RCBTB1: variants seen among roughly 807,000 people sequenced by gnomAD.
RCBTB1 encodes the protein RCC1 and BTB domain containing protein 1.
In RCBTB1, 46 loss-of-function variants were observed where a neutral mutation model predicts 62.4. The observed-to-expected ratio is 0.74, with a 90% CI of 0.58 to 0.94. The LOEUF is 0.94. RCBTB1 is among the 40% of genes least tolerant of loss of function. The probability of loss-of-function intolerance (pLI) is 0.00; values close to 1 mark genes in which losing one functional copy is unlikely to be tolerated. For synonymous variants in RCBTB1, 222 were observed against 245.8 expected (o/e 0.90, Z 0.91); for missense variants, 565 against 654.9 (o/e 0.86, Z 1.50).
At chr13:49,576,645 G>A (rs1963805153) in intron 2 of RCBTB1, among the ~76,000 whole-genome samples, 1 of 152,026 alleles carries the variant, frequency 6.6e-6, no homozygotes, top group Non-Finnish European at 1.5e-5. Flanking sequence ...TTGTCATCTT[G>A]ATAATTATAA....
chr13:49,577,348 C>A (rs1405635994), intron 2 of RCBTB1, among the ~76,000 whole-genome samples: 1 of 152,150 alleles, frequency 6.6e-6, no homozygotes, highest in Non-Finnish European at 1.5e-5. Flanking sequence ...TATATTTCAA[C>A]ATGCTTATGG....
At chr13:49,543,023 G>A (rs867453981) in intron 10 of RCBTB1, among the ~76,000 whole-genome samples, 3 of 152,184 alleles carry the variant, frequency 2.0e-5, no homozygotes, top group Non-Finnish European at 4.4e-5. Context: ...TTGGGAGGCC[G>A]AGGCAGGTCA....
At chr13:49,577,139 C>T (rs549076270) in intron 2 of RCBTB1, among the ~76,000 whole-genome samples, 8 of 152,218 alleles carry the variant, frequency 5.3e-5, no homozygotes, top group Non-Finnish European at 1.2e-4. Flanking sequence ...TTACTTTATA[C>T]TCTGAAAGCA....
intron 2 of RCBTB1, among the ~76,000 whole-genome samples, chr13:49,574,267 C>A (rs1261209964): frequency 6.6e-6 from 1 of 151,286 alleles, no homozygotes. Flanking sequence ...TACAGGTGTG[C>A]ACCACCACGC....
At chr13:49,566,542 G>A in intron 4 of RCBTB1, 76 bp downstream of exon 4, 6 of 1,373,434 alleles carry the variant, frequency 4.4e-6, no homozygotes, top group Non-Finnish European at 6.0e-6. Flanking sequence ...ATCTGGTATA[G>A]CCCTATCTCC....
intron 4 of RCBTB1, among the ~76,000 whole-genome samples, chr13:49,563,727 T>C (rs1184163160): frequency 6.6e-6 from 1 of 152,172 alleles, no homozygotes; most frequent in African/African-American, 2.4e-5. Context: ...AAAAGTGAGA[T>C]AATCACCTCA....
At position 49,560,202 on chromosome 13, in the gene RCBTB1, TC is replaced by T. The variant is rs1308188398; in HGVS notation, c.278-119del. 8 of 1,079,990 alleles carry T rather than the reference TC, an allele frequency of 7.4e-6. No individual in the cohort carries two copies. In the African/African-American group the frequency reaches 1.3e-4, roughly 17 times the overall value. 66.9% of individuals were successfully genotyped at this position (1,079,990 alleles called of 1,614,324 possible). A position where few individuals can be genotyped will look rare whatever the true frequency, so the allele number is the denominator to read the frequency against. On this transcript the variant is annotated intron_variant, in intron 4 of 12. Coordinates refer to ENST00000378302, the MANE Select transcript of RCBTB1 (RefSeq NM_018191.4). ...CCTTCATTTCTCTCCCATTGCCCCC[TC>T]CTCTCTATTAAGTAACCATGGACAG...
At chr13:49,572,144 TGGTGA>T (rs1177583849) in intron 2 of RCBTB1, among the ~76,000 whole-genome samples, 4 of 151,948 alleles carry the variant, frequency 2.6e-5, no homozygotes, top group Non-Finnish European at 5.9e-5. Flanking sequence ...CTAGATGACA[TGGTGA>T]AACCCTGCCT....
At position 49,555,800 on chromosome 13, in the gene RCBTB1, A is replaced by G. The variant is rs1961811947; in HGVS notation, c.445-127T>C. On this transcript the variant is annotated intron_variant, in intron 5 of 12. Coordinates refer to ENST00000378302, the MANE Select transcript of RCBTB1 (RefSeq NM_018191.4). ...CTTAAGATGTGCTAAACGGTTCTATATGCTTTACACACATTAACCTATTTA... is the reference window on the plus strand; with the variant it reads ...CTTAAGATGTGCTAAACGGTTCTATGTGCTTTACACACATTAACCTATTTA... 8.4e-6 allele frequency: 6 copies of G among 715,088 alleles called. No homozygotes were observed. The South Asian group carries it at 9.9e-5, about 12-fold the overall frequency. The allele number at this position is 715,088 out of a possible 1,614,324, so 44.3% of individuals were successfully genotyped here.
Position 49,555,559 on chromosome 13 carries a change from C to T in RCBTB1, c.559G>A (p.Ala187Thr). The change falls in exon 6 of 13, where the codon GCC becomes ACC. Residue 187 changes from alanine to threonine, a missense_variant. Transcript: ENST00000378302. ...CLHIKRVVGI[A>T]CGQTSSMAVL... ...GCCATGGATGAAGTCTGACCACAGG[C>T]AATGCCAACTACCCTCTTAATATGT... is the stretch of plus-strand genomic sequence containing the variant. 1 of 1,614,018 alleles carries T rather than the reference C, an allele frequency of 6.2e-7. No individual in the cohort carries two copies. Among genetic ancestry groups the T allele is most frequent in the Non-Finnish European group, 8.5e-7 (1 of 1,179,890 alleles).
At chr13:49,544,195 C>T (rs1180729419) in intron 10 of RCBTB1, among the ~76,000 whole-genome samples, 1 of 152,148 alleles carries the variant, frequency 6.6e-6, no homozygotes, top group Non-Finnish European at 1.5e-5. Flanking sequence ...ATAAGCTGGG[C>T]GTGGTAGCTC....
chr13:49,550,494 A>G, intron 8 of RCBTB1: 3 of 810,330 alleles, frequency 3.7e-6, no homozygotes, highest in Non-Finnish European at 4.5e-6. Flanking sequence ...AGACCTTACA[A>G]TTAGGCTGAA....
At chr13:49,559,512 C>T (rs565838978) in intron 5 of RCBTB1, among the ~76,000 whole-genome samples, 13 of 151,870 alleles carry the variant, frequency 8.6e-5, no homozygotes, top group Non-Finnish European at 1.2e-4. Context: ...AAAAATTAGG[C>T]GGGTGTGGTG....
rs746108134 is a variant in RCBTB1 at position 49,534,117 on chromosome 13, GC to G, written c.*4del. ...CACTCACACAGAACCCAGCAGCCTT[GC>G]GCTTCAGTTCTTAAAGGCTCCACAT... On this transcript the variant is annotated 3_prime_UTR_variant, in exon 13 of 13. Transcript: ENST00000378302. 4 of 1,613,122 alleles carry G rather than the reference GC, an allele frequency of 2.5e-6. No individual in the cohort carries two copies. Among genetic ancestry groups the G allele is most frequent in the Admixed American group, 1.7e-5 (1 of 59,800 alleles).
At chr13:49,547,122 G>A (rs2139157827) in intron 9 of RCBTB1, 1 of 1,282,838 alleles carries the variant, frequency 7.8e-7, no homozygotes, top group Non-Finnish European at 1.0e-6. Context: ...TGCAATTCTG[G>A]CCAAATAGTC....
intron 7 of RCBTB1, 21 bp from the exon 8 acceptor site, chr13:49,551,489 T>A: frequency 1.2e-6 from 2 of 1,613,246 alleles, no homozygotes; most frequent in Non-Finnish European, 1.7e-6. Context: ...ATTGAAACGG[T>A]TACCATTAGC....
intron 9 of RCBTB1, among the ~76,000 whole-genome samples, chr13:49,546,577 T>G (rs1960802259): frequency 6.6e-6 from 1 of 152,204 alleles, no homozygotes; most frequent in Admixed American, 6.5e-5. Flanking sequence ...GTAGAATCAG[T>G]GGGAGTCCTG....
At chr13:49,574,025 C>T (rs1030361441) in intron 2 of RCBTB1, among the ~76,000 whole-genome samples, 3 of 149,234 alleles carry the variant, frequency 2.0e-5, no homozygotes, top group Non-Finnish European at 4.4e-5. Context: ...CTCAAGTGAT[C>T]CACCCACCTG....
At chr13:49,543,066 C>A (rs1007062451) in intron 10 of RCBTB1, among the ~76,000 whole-genome samples, 3 of 152,104 alleles carry the variant, frequency 2.0e-5, no homozygotes, top group Non-Finnish European at 4.4e-5. Context: ...AGTTTGAGAC[C>A]GGCCTGGCCA....
Sources: gnomAD v4.1 joint callset for allele counts (sites outside exome capture counted in the v4.1 genomes callset) on GRCh38, gnomAD v4.1.1 for gene constraint, MANE v1.5 for transcripts, NCBI Gene and HGNC (gene_info 2026-07-23, HGNC 2026-07-21) for gene names.